SIPA1L1: variants seen among roughly 807,000 people sequenced by gnomAD.
The protein encoded by SIPA1L1 is signal-induced proliferation-associated 1-like protein 1.
SIPA1L1 carries 26 observed loss-of-function variants against 162.7 expected under a neutral mutation model. That is an observed-to-expected ratio of 0.16 (90% CI 0.12 to 0.22). SIPA1L1 has a LOEUF of 0.22. Among genes scored for constraint, SIPA1L1 ranks in the 10% least tolerant of loss-of-function variants. SIPA1L1 has a pLI of 1.00. For missense variants in SIPA1L1, 1,874 were observed against 2,241.0 expected (o/e 0.84, Z 3.31); for synonymous variants, 829 against 837.4 (o/e 0.99, Z 0.17).
intron 12 of SIPA1L1, among the ~76,000 whole-genome samples, chr14:71,682,866 C>T (rs1316900132): frequency 9.2e-5 from 14 of 152,192 alleles, no homozygotes; most frequent in Non-Finnish European, 1.5e-5. Context: ...TATGAAAGTA[C>T]TTGTGAGCTG....
intron 13 of SIPA1L1, among the ~76,000 whole-genome samples, chr14:71,696,155 T>G (rs950999243): frequency 7.2e-5 from 11 of 152,210 alleles, no homozygotes; most frequent in African/African-American, 2.2e-4. Flanking sequence ...CTTTGAGATC[T>G]GGCAACCTAA....
At chr14:71,635,054 G>T (rs1384769781) in intron 7 of SIPA1L1, among the ~76,000 whole-genome samples, 1 of 151,954 alleles carries the variant, frequency 6.6e-6, no homozygotes, top group Admixed American at 6.6e-5. Context: ...GAGGCGGGTG[G>T]GTCACCTGAC....
intron 17 of SIPA1L1, among the ~76,000 whole-genome samples, chr14:71,713,026 T>A (rs2082992358): frequency 6.6e-6 from 1 of 152,112 alleles, no homozygotes; most frequent in Admixed American, 6.5e-5. Context: ...AACATGAGCA[T>A]AATAGATTGA....
At chr14:71,591,582 T>C (rs1325491057) in intron 5 of SIPA1L1, among the ~76,000 whole-genome samples, 1 of 152,196 alleles carries the variant, frequency 6.6e-6, no homozygotes. Context: ...CCCAGCATAA[T>C]TGGAACTAGT....
intron 4 of SIPA1L1, among the ~76,000 whole-genome samples, chr14:71,533,713 C>T (rs142561238): frequency 6.6e-6 from 1 of 152,152 alleles, no homozygotes; most frequent in South Asian, 2.1e-4. Context: ...TTGCCACTTT[C>T]ATTTTGGAGT....
intron 2 of SIPA1L1, among the ~76,000 whole-genome samples, chr14:71,323,290 C>A (rs1043800860): frequency 4.6e-5 from 7 of 152,086 alleles, no homozygotes; most frequent in East Asian, 1.9e-4. Context: ...TCTTAAGTTG[C>A]AATCTGAATT....
At chr14:71,342,399 C>T (rs1299673987) in intron 2 of SIPA1L1, among the ~76,000 whole-genome samples, 2 of 152,160 alleles carry the variant, frequency 1.3e-5, no homozygotes, top group African/African-American at 2.4e-5. Flanking sequence ...GAGAAATCTC[C>T]AAACTGCTTT....
At chr14:71,711,876 G>T (rs2082899562) in intron 17 of SIPA1L1, among the ~76,000 whole-genome samples, 1 of 152,220 alleles carries the variant, frequency 6.6e-6, no homozygotes, top group Admixed American at 6.5e-5. Context: ...CATTCAGGGA[G>T]GGTGGCAGAG....
intron 2 of SIPA1L1, among the ~76,000 whole-genome samples, chr14:71,468,722 G>A (rs558821768): frequency 6.6e-6 from 1 of 152,132 alleles, no homozygotes; most frequent in African/African-American, 2.4e-5. Flanking sequence ...ATAGCAATGT[G>A]TAAGTAAAAA....
intron 2 of SIPA1L1, among the ~76,000 whole-genome samples, chr14:71,465,319 C>G (rs1043650107): frequency 1.3e-5 from 2 of 152,226 alleles, no homozygotes; most frequent in African/African-American, 2.4e-5. Flanking sequence ...GACTCTCACT[C>G]AGGGCAATCT....
Position 71,668,304 on chromosome 14 carries a change from G to A in SIPA1L1, c.2256-2815G>A, listed in dbSNP as rs182016416. ...CCTCAGAGGGAGTAAGTGTGGGCTT[G>A]TCGTGGAGCACTCTCTTGGCTGTCC... is the stretch of plus-strand genomic sequence containing the variant. On this transcript the variant is annotated intron_variant, in intron 10 of 23. Coordinates refer to ENST00000381232, the MANE Select transcript of SIPA1L1 (RefSeq NM_001386936.1). Among the ~76,000 whole-genome samples the A allele has an allele frequency of 6.5e-4, 99 of 152,278 alleles. 2 individuals are homozygous for A. In the East Asian group the frequency reaches 0.014, roughly 21 times the overall value.
chr14:71,665,477 GT>G (rs1174540493), intron 10 of SIPA1L1, among the ~76,000 whole-genome samples: 13 of 152,120 alleles, frequency 8.5e-5, no homozygotes, highest in Non-Finnish European at 5.9e-5. Flanking sequence ...AGTCTCTATT[GT>G]TTTATTTGTA....
At chr14:71,562,473 C>T (rs559617377) in intron 4 of SIPA1L1, among the ~76,000 whole-genome samples, 2 of 152,106 alleles carry the variant, frequency 1.3e-5, no homozygotes, top group South Asian at 4.2e-4. Context: ...ACTAATATTG[C>T]CTAAAACTTC....
intron 2 of SIPA1L1, among the ~76,000 whole-genome samples, chr14:71,417,150 G>A (rs537892383): frequency 6.6e-6 from 1 of 152,104 alleles, no homozygotes; most frequent in African/African-American, 2.4e-5. Flanking sequence ...CATGCATTTT[G>A]TATGTTATAT....
At chr14:71,324,768 C>T (rs1394555493) in intron 2 of SIPA1L1, among the ~76,000 whole-genome samples, 3 of 152,080 alleles carry the variant, frequency 2.0e-5, no homozygotes, top group Non-Finnish European at 2.9e-5. Flanking sequence ...TTTCCATTTG[C>T]GGAAGAAATT....
At chr14:71,479,336 G>GGTATGTAT (rs59082026) in intron 2 of SIPA1L1, among the ~76,000 whole-genome samples, 55,329 of 148,100 alleles carry the variant, frequency 0.37, 11,393 homozygotes, top group African/African-American at 0.54. Flanking sequence ...TGTGTATGTA[G>GGTATGTAT]GTATGTATGT....
chr14:71,712,322 A>G (rs530481236), intron 17 of SIPA1L1, among the ~76,000 whole-genome samples: 5 of 152,316 alleles, frequency 3.3e-5, no homozygotes, highest in African/African-American at 1.2e-4. Context: ...GTAATTACAT[A>G]GAGTTGCTAT....
intron 2 of SIPA1L1, among the ~76,000 whole-genome samples, chr14:71,442,962 A>G (rs187030302): frequency 5.3e-5 from 8 of 152,326 alleles, no homozygotes; most frequent in Admixed American, 4.6e-4. Flanking sequence ...AAAAGATTTG[A>G]TAATCATAAA....
At chr14:71,338,561 C>T (rs897045258) in intron 2 of SIPA1L1, among the ~76,000 whole-genome samples, 2 of 152,002 alleles carry the variant, frequency 1.3e-5, no homozygotes. Flanking sequence ...TTATCTGTCT[C>T]GAGTGTCACA....
Sources: allele counts gnomAD v4.1 joint callset (sites outside exome capture counted in the v4.1 genomes callset), GRCh38; gene constraint gnomAD v4.1.1; transcripts MANE v1.5; gene names NCBI Gene and HGNC (gene_info 2026-07-23, HGNC 2026-07-21).